GPC6: variants seen among roughly 807,000 people sequenced by gnomAD.
GPC6 encodes glypican 6.
GPC6 carries 14 observed loss-of-function variants against 55.2 expected under a neutral mutation model. That is an observed-to-expected ratio of 0.25 (90% CI 0.17 to 0.40). GPC6 has a LOEUF of 0.40. Ranked by LOEUF, GPC6 falls within the 10% of genes least tolerant of loss-of-function variation. The pLI, the probability that GPC6 is intolerant of heterozygous loss-of-function variation, is 1.00. For synonymous variants in GPC6, 278 were observed against 259.6 expected (o/e 1.07, Z -0.68); for missense variants, 641 against 708.5 (o/e 0.90, Z 1.08).
intron 4 of GPC6, among the ~76,000 whole-genome samples, chr13:94,103,473 C>T (rs1431064055): frequency 2.0e-5 from 3 of 152,172 alleles, no homozygotes; most frequent in South Asian, 4.1e-4. Context: ...CTGTCTTCCA[C>T]AATAGTTGAA....
chr13:93,487,447 T>C (rs1332417271), intron 1 of GPC6, among the ~76,000 whole-genome samples: 1 of 152,178 alleles, frequency 6.6e-6, no homozygotes, highest in Non-Finnish European at 1.5e-5. Flanking sequence ...CTAGTAAACG[T>C]GTGTTATTAA....
At chr13:93,520,862 G>A (rs1260682419) in intron 1 of GPC6, among the ~76,000 whole-genome samples, 1 of 148,680 alleles carries the variant, frequency 6.7e-6, no homozygotes, top group African/African-American at 2.5e-5. Context: ...ATACAGGCAT[G>A]GAGATGACAT....
chr13:93,864,481 C>T (rs1428271088), intron 3 of GPC6, among the ~76,000 whole-genome samples: 2 of 151,766 alleles, frequency 1.3e-5, no homozygotes, highest in African/African-American at 4.8e-5. Flanking sequence ...TGTGTCATTT[C>T]TCTGTAGACC....
chr13:93,552,169 G>GATTT (rs1875194808), intron 2 of GPC6, among the ~76,000 whole-genome samples: 1 of 152,116 alleles, frequency 6.6e-6, no homozygotes, highest in South Asian at 2.1e-4. Flanking sequence ...ATCAGAATGC[G>GATTT]CTGAACTGAG....
At chr13:93,447,417 T>C (rs1164670573) in intron 1 of GPC6, among the ~76,000 whole-genome samples, 2 of 152,174 alleles carry the variant, frequency 1.3e-5, no homozygotes, top group Admixed American at 6.5e-5. Flanking sequence ...TAGAGTAAAA[T>C]ACCTTCTTCC....
chr13:93,220,560 A>G, the GPC6 span, among the ~76,000 whole-genome samples: 1 of 152,224 alleles, frequency 6.6e-6, no homozygotes, highest in Non-Finnish European at 1.5e-5. Context: ...ATTTGGAAAC[A>G]CTTCAAAAAT....
At chr13:93,897,208 G>A (rs1251061965) in intron 3 of GPC6, among the ~76,000 whole-genome samples, 6 of 151,830 alleles carry the variant, frequency 4.0e-5, no homozygotes, top group African/African-American at 1.5e-4. Flanking sequence ...TTGATTAATG[G>A]ATACAAATAA....
chr13:94,288,881 A>T (rs1289741019), intron 5 of GPC6, among the ~76,000 whole-genome samples: 8 of 5,016 alleles, frequency 1.6e-3, no homozygotes, highest in South Asian at 0.016. Flanking sequence ...TTATATATAT[A>T]ACTAATATAT....
intron 2 of GPC6, among the ~76,000 whole-genome samples, chr13:93,600,511 T>C (rs1397252666): frequency 2.6e-5 from 4 of 152,108 alleles, no homozygotes; most frequent in Non-Finnish European, 5.9e-5. Context: ...CTAAAACGTC[T>C]CCAGAAAAAA....
At chr13:93,841,629 C>G (rs909432620) in intron 3 of GPC6, among the ~76,000 whole-genome samples, 1 of 152,076 alleles carries the variant, frequency 6.6e-6, no homozygotes, top group Non-Finnish European at 1.5e-5. Context: ...AACATTCAGA[C>G]GTAAGTAAAA....
intron 7 of GPC6, among the ~76,000 whole-genome samples, chr13:94,394,823 C>A (rs984147184): frequency 1.2e-4 from 18 of 152,188 alleles, no homozygotes; most frequent in Non-Finnish European, 2.6e-4. Context: ...TTGTAAGCAG[C>A]TGAGCATCAG....
At chr13:93,347,253 G>A (rs1403713899) in intron 1 of GPC6, among the ~76,000 whole-genome samples, 1 of 152,100 alleles carries the variant, frequency 6.6e-6, no homozygotes, top group Non-Finnish European at 1.5e-5. Flanking sequence ...AACGGTCTAA[G>A]TTTGGGATTA....
intron 3 of GPC6, among the ~76,000 whole-genome samples, chr13:93,951,592 T>G (rs182766362): frequency 2.1e-4 from 32 of 152,276 alleles, no homozygotes; most frequent in African/African-American, 7.0e-4. Context: ...AGGGTTCAGT[T>G]TTAATTTCTA....
At chr13:93,802,929 TC>T (rs1372432008) in intron 2 of GPC6, among the ~76,000 whole-genome samples, 1 of 152,226 alleles carries the variant, frequency 6.6e-6, no homozygotes, top group African/African-American at 2.4e-5. Context: ...ACTTTTATCA[TC>T]ACTTTTTAGT....
chr13:94,029,118 G>C (rs1017546385), intron 4 of GPC6, among the ~76,000 whole-genome samples: 1 of 152,150 alleles, frequency 6.6e-6, no homozygotes, highest in African/African-American at 2.4e-5. Context: ...AAAGATGTTA[G>C]AATTCAGAGA....
chr13:94,038,156 GATATAC>G (rs1883407044), intron 4 of GPC6, among the ~76,000 whole-genome samples: 1 of 151,914 alleles, frequency 6.6e-6, no homozygotes, highest in East Asian at 1.9e-4. Flanking sequence ...GTGATGAGTT[GATATAC>G]ATATACATTG....
chr13:93,581,347 C>A (rs116677444), intron 2 of GPC6, among the ~76,000 whole-genome samples: 1,942 of 152,248 alleles, frequency 0.013, 42 homozygotes, highest in African/African-American at 0.044. Flanking sequence ...AAAAACACTT[C>A]TGTAAACTTA....
intron 3 of GPC6, among the ~76,000 whole-genome samples, chr13:93,974,964 C>T (rs922707386): frequency 2.0e-5 from 3 of 152,138 alleles, no homozygotes; most frequent in African/African-American, 4.8e-5. Context: ...CAGAGCCAGG[C>T]ATGTCCAGTT....
intron 4 of GPC6, among the ~76,000 whole-genome samples, chr13:94,043,100 T>A (rs916914800): frequency 6.6e-6 from 1 of 151,840 alleles, no homozygotes; most frequent in Non-Finnish European, 1.5e-5. Flanking sequence ...TTTGAAGCAA[T>A]TTCTCATTTT....
Sources: gnomAD v4.1 joint callset for allele counts (sites outside exome capture counted in the v4.1 genomes callset) on GRCh38, gnomAD v4.1.1 for gene constraint, MANE v1.5 for transcripts, NCBI Gene and HGNC (gene_info 2026-07-23, HGNC 2026-07-21) for gene names.